AP1S3: variants seen among roughly 807,000 people sequenced by gnomAD.
AP1S3 encodes the protein adaptor related protein complex 1 subunit sigma 3.
Under a neutral mutation model 20.9 loss-of-function variants are expected in AP1S3, and 10 were observed. That is an observed-to-expected ratio of 0.48 (90% CI 0.29 to 0.81). The LOEUF is 0.81. AP1S3 is among the 30% of genes least tolerant of loss of function. The probability of loss-of-function intolerance (pLI) is 0.08; values close to 1 mark genes in which losing one functional copy is unlikely to be tolerated. For synonymous variants in AP1S3, 41 were observed against 61.5 expected, an observed-to-expected ratio of 0.67 and a Z score of 1.56; for missense variants, 154 against 183.8, an observed-to-expected ratio of 0.84 and a Z score of 0.94.
intron 1 of AP1S3, among the ~76,000 whole-genome samples, chr2:223,830,306 C>A (rs1012136949): frequency 6.6e-6 from 1 of 151,776 alleles, no homozygotes; most frequent in African/African-American, 2.4e-5. Context: ...TAGTGAAACC[C>A]TATCTCTACC....
At chr2:223,759,173 G>A (rs11892649) in intron 4 of AP1S3, among the ~76,000 whole-genome samples, 19,255 of 151,992 alleles carry the variant, frequency 0.13, 2,412 homozygotes, top group African/African-American at 0.32. Context: ...CCAGCTACTC[G>A]GGAAGCTGAG....
chr2:223,828,599 T>C (rs528373487), intron 1 of AP1S3, among the ~76,000 whole-genome samples: 3 of 152,270 alleles, frequency 2.0e-5, no homozygotes, highest in African/African-American at 4.8e-5. Flanking sequence ...TCCTGTGTGA[T>C]TGATCCAAAA....
intron 1 of AP1S3, among the ~76,000 whole-genome samples, chr2:223,809,331 C>T (rs1181934486): frequency 6.6e-6 from 1 of 152,132 alleles, no homozygotes; most frequent in South Asian, 2.1e-4. Flanking sequence ...CCCTCCCTTA[C>T]CCCCATTGAA....
At chr2:223,775,587 T>C (rs1690764729) in intron 3 of AP1S3, among the ~76,000 whole-genome samples, 1 of 152,146 alleles carries the variant, frequency 6.6e-6, no homozygotes, top group South Asian at 2.1e-4. Context: ...ATGCCTATAA[T>C]CCTAGCTCTT....
chr2:223,809,196 C>T (rs1304141497), intron 1 of AP1S3, among the ~76,000 whole-genome samples: 1 of 152,220 alleles, frequency 6.6e-6, no homozygotes, highest in Non-Finnish European at 1.5e-5. Context: ...CCTGCAAGGC[C>T]ATACTCAACA....
At chr2:223,823,977 AG>A (rs1692057064) in intron 1 of AP1S3, among the ~76,000 whole-genome samples, 1 of 152,170 alleles carries the variant, frequency 6.6e-6, no homozygotes, top group Admixed American at 6.6e-5. Flanking sequence ...ATAGGGGTGT[AG>A]AGGGAAATAG....
In AP1S3 at chr2:223,768,737, C is replaced by T. The variant is rs549959951; in HGVS notation, c.292-3387G>A. On this transcript the variant is annotated intron_variant, in intron 3 of 4. Coordinates refer to ENST00000396654, the MANE Select transcript of AP1S3 (RefSeq NM_001039569.2). Reference sequence around the variant, plus strand: ...AGGCATGATGGTGCACGACTGTAATCCCAGCTACTCAGGAAGGTGAGGCAG... The same window carrying T: ...AGGCATGATGGTGCACGACTGTAATTCCAGCTACTCAGGAAGGTGAGGCAG... Among the ~76,000 whole-genome samples, 3 of 152,168 alleles carry T rather than the reference C, an allele frequency of 2.0e-5. No individual in the cohort carries two copies. The East Asian group carries it at 5.8e-4, about 29-fold the overall frequency.
chr2:223,835,080 G>GTAAAAGTATGTATTTT (rs775214120), intron 1 of AP1S3, among the ~76,000 whole-genome samples: 50,883 of 151,326 alleles, frequency 0.34, 8,910 homozygotes, highest in Middle Eastern at 0.42. Flanking sequence ...TGACCTTGCA[G>GTAAAAGTATGTATTTT]ACCTCCAGTA....
At chr2:223,789,549 T>C (rs1016763242) in intron 1 of AP1S3, among the ~76,000 whole-genome samples, 1 of 151,108 alleles carries the variant, frequency 6.6e-6, no homozygotes, top group Admixed American at 6.6e-5. Flanking sequence ...TATAAAACTA[T>C]AGAGGGAGTG....
At chr2:223,837,312 G>T (rs962760931) in intron 1 of AP1S3, 136 bp downstream of exon 1, 10 of 369,220 alleles carry the variant, frequency 2.7e-5, no homozygotes, top group Non-Finnish European at 4.1e-5. Context: ...CCACAGGGAC[G>T]CACGGTTCGG....
At chr2:223,766,826 T>A (rs968404348) in intron 3 of AP1S3, among the ~76,000 whole-genome samples, 1 of 152,148 alleles carries the variant, frequency 6.6e-6, no homozygotes, top group Non-Finnish European at 1.5e-5. Flanking sequence ...AATGATAGAC[T>A]GGATAAATAA....
At position 223,837,431 on chromosome 2, in the gene AP1S3, G is replaced by T. The variant is rs754403690; in HGVS notation, c.3+17C>A. 2 of 1,232,640 alleles carry T rather than the reference G, an allele frequency of 1.6e-6. No individual in the cohort carries two copies. The highest frequency in any genetic ancestry group is 6.9e-5 in the South Asian group (2 of 29,130). The allele number at this position is 1,232,640 out of a possible 1,614,324, so 76.4% of individuals were successfully genotyped here. A position where few individuals can be genotyped will look rare whatever the true frequency, so the allele number is the denominator to read the frequency against. ...GCCCCCACCGCCTACCCGGGCCGGC[G>T]GTTCCCCCGCACTCACCATCGTGGC... On this transcript the variant is annotated intron_variant, in intron 1 of 4. Coordinates refer to ENST00000396654, the MANE Select transcript of AP1S3 (RefSeq NM_001039569.2).
chr2:223,758,284 AT>A lies in AP1S3; in HGVS notation c.*430del, dbSNP rs1438308396. The A allele has an allele frequency of 1.0e-6, 1 of 976,166 alleles. No homozygotes were observed. Among genetic ancestry groups the A allele is most frequent in the African/African-American group, 1.8e-5 (1 of 57,030 alleles). 60.5% of individuals were successfully genotyped at this position (976,166 alleles called of 1,614,324 possible). On this transcript the variant is annotated 3_prime_UTR_variant, in exon 5 of 5. Coordinates refer to ENST00000396654, the MANE Select transcript of AP1S3 (RefSeq NM_001039569.2). ...TAACATAATTTTGAATTATTATACA[AT>A]TTAGAAAACTAAACATTTAGAAAAA...
chr2:223,797,773 TAAATA>T (rs752875088), intron 1 of AP1S3, among the ~76,000 whole-genome samples: 1 of 151,888 alleles, frequency 6.6e-6, no homozygotes, highest in Non-Finnish European at 1.5e-5. Flanking sequence ...CTCAAAAAAA[TAAATA>T]AAATAAAATA....
At chr2:223,823,850 C>T (rs889134607) in intron 1 of AP1S3, among the ~76,000 whole-genome samples, 94 of 152,098 alleles carry the variant, frequency 6.2e-4, no homozygotes, top group African/African-American at 1.8e-3. Flanking sequence ...GCTTGTTGTA[C>T]GGTGTAAATT....
At chr2:223,793,547 G>A (rs985657208) in intron 1 of AP1S3, among the ~76,000 whole-genome samples, 51 of 152,142 alleles carry the variant, frequency 3.4e-4, no homozygotes, top group African/African-American at 1.0e-3. Context: ...ACATTGGGGG[G>A]AACAGTGGGG....
intron 3 of AP1S3, among the ~76,000 whole-genome samples, chr2:223,772,323 A>G (rs944340957): frequency 6.6e-6 from 1 of 152,086 alleles, no homozygotes; most frequent in African/African-American, 2.4e-5. Context: ...AAATCCTTGA[A>G]TTGGTGAGAG....
intron 1 of AP1S3, among the ~76,000 whole-genome samples, chr2:223,782,764 A>C (rs1690979730): frequency 6.6e-6 from 1 of 152,226 alleles, no homozygotes; most frequent in African/African-American, 2.4e-5. Flanking sequence ...CAATAATTGC[A>C]TTGCATGAGG....
chr2:223,811,568 CAAAAAAAA>C lies in AP1S3; in HGVS notation c.3+25872_3+25879del, dbSNP rs143512043. Among the ~76,000 whole-genome samples the C allele has an allele frequency of 1.5e-4, 20 of 135,506 alleles. No homozygotes were observed. The East Asian group carries it at 2.0e-3, about 14-fold the overall frequency. The allele number at this position is 135,506 out of a possible 152,430, so 88.9% of individuals were successfully genotyped here. A position where few individuals can be genotyped will look rare whatever the true frequency, so the allele number is the denominator to read the frequency against. ...TGGGTGACACAGTGAGACTCCATTTCAAAAAAAAAAAAAGAAAAAAAGAAATATCTATT... is the reference window on the plus strand; with the variant it reads ...TGGGTGACACAGTGAGACTCCATTTCAAAAAGAAAAAAAGAAATATCTATT... On this transcript the variant is annotated intron_variant, in intron 1 of 4. Coordinates refer to ENST00000396654, the MANE Select transcript of AP1S3 (RefSeq NM_001039569.2).
Sources: allele counts gnomAD v4.1 joint callset (sites outside exome capture counted in the v4.1 genomes callset), GRCh38; gene constraint gnomAD v4.1.1; transcripts MANE v1.5; gene names NCBI Gene and HGNC (gene_info 2026-07-23, HGNC 2026-07-21).